Variants in LRPPRC observed in about 807,000 individuals in gnomAD.
LRPPRC encodes leucine-rich PPR motif-containing protein, mitochondrial.
In LRPPRC, 120 loss-of-function variants were observed where a neutral mutation model predicts 180.3. The ratio of observed to expected loss-of-function variants is 0.67; its 90% confidence interval spans 0.57 to 0.77. The LOEUF (loss-of-function observed/expected upper bound fraction) is 0.77. LRPPRC is among the 30% of genes least tolerant of loss of function. LRPPRC has a pLI of 0.00. For synonymous variants in LRPPRC, 723 were observed against 600.0 expected (o/e 1.21, Z -3.00); for missense variants, 2,012 against 1,657.2 (o/e 1.21, Z -3.72).
chr2:43,926,936 A>T (rs774937351), intron 25 of LRPPRC, among the ~76,000 whole-genome samples: 5 of 152,240 alleles, frequency 3.3e-5, no homozygotes, highest in South Asian at 4.1e-4. Context: ...TCTCAGTTCA[A>T]TTAAACAACT....
intron 36 of LRPPRC, among the ~76,000 whole-genome samples, chr2:43,893,066 C>A (rs1670552399): frequency 6.6e-6 from 1 of 152,114 alleles, no homozygotes; most frequent in African/African-American, 2.4e-5. Flanking sequence ...GTGGAAATAG[C>A]AAGACAACTA....
At chr2:43,910,680 G>C (rs1052079726) in intron 30 of LRPPRC, among the ~76,000 whole-genome samples, 3 of 152,030 alleles carry the variant, frequency 2.0e-5, no homozygotes, top group African/African-American at 7.2e-5. Flanking sequence ...TCAATCACTT[G>C]GGCTATGGAG....
Position 43,899,708 on chromosome 2 carries a change from T to C in LRPPRC, c.3570-103A>G, listed in dbSNP as rs539720679. Reference sequence around the variant, plus strand: ...TTTATATCCACTCATGCTAATACTTTAGGAAAAAAATGAAATACATTTACA... The same window carrying C: ...TTTATATCCACTCATGCTAATACTTCAGGAAAAAAATGAAATACATTTACA... On this transcript the variant is annotated intron_variant, in intron 32 of 37. Transcript: ENST00000260665. The C allele has an allele frequency of 2.2e-5, 16 of 740,910 alleles. No homozygotes were observed. In the East Asian group the frequency reaches 2.9e-4, roughly 14 times the overall value. The allele number at this position is 740,910 out of a possible 1,614,324, so 45.9% of individuals were successfully genotyped here.
rs1175205497 is a variant in LRPPRC, at chr2:43,947,346, A to T, written c.1990T>A (p.Leu664Met). 6.3e-7 allele frequency: 1 copy of T among 1,595,064 alleles called. No individual in the cohort carries two copies. Among genetic ancestry groups the T allele is most frequent in the African/African-American group, 1.3e-5 (1 of 74,564 alleles). Residue 664 changes from leucine (L) to methionine (M), a missense_variant, in exon 20 of 38, where the codon TTG (leucine) becomes ATG (methionine). Physicochemically the swap from Leu to Met is conservative, Grantham distance 15. Coordinates refer to ENST00000260665, the MANE Select transcript of LRPPRC (RefSeq NM_133259.4). Reference sequence around the variant, plus strand: ...TTTAGTGTTTCAAGTGTGGACTCCAATTCAGATGATGTAAGTTGCACAGTC... The same window carrying T: ...TTTAGTGTTTCAAGTGTGGACTCCATTTCAGATGATGTAAGTTGCACAGTC... ...QKTVQLTSSE[L>M]ESTLETLKAE...
At chr2:43,888,714 A>G in intron 37 of LRPPRC, 58 bp from the exon 38 acceptor site, 1 of 936,550 alleles carries the variant, frequency 1.1e-6, no homozygotes, top group Middle Eastern at 2.1e-4. Context: ...GATGGTACAT[A>G]ACTTAAAAAA....
chr2:43,948,816 A>ACC (rs989128814), intron 16 of LRPPRC, among the ~76,000 whole-genome samples: 3 of 151,784 alleles, frequency 2.0e-5, no homozygotes, highest in Admixed American at 2.0e-4. Context: ...CCAAGGCCTT[A>ACC]CCCCTTTCCT....
intron 23 of LRPPRC, among the ~76,000 whole-genome samples, chr2:43,938,186 TA>T (rs58510012): frequency 6.6e-4 from 97 of 146,800 alleles, no homozygotes; most frequent in African/African-American, 1.6e-3. Flanking sequence ...TTACCCTTTA[TA>T]AAAAAAAAAA....
intron 11 of LRPPRC, among the ~76,000 whole-genome samples, chr2:43,969,038 G>A (rs1055061427): frequency 6.6e-6 from 1 of 152,178 alleles, no homozygotes; most frequent in African/African-American, 2.4e-5. Context: ...ATTTTTAAAA[G>A]TGGGGTAAAG....
chr2:43,935,253 TAC>T (rs1278352221), intron 23 of LRPPRC, among the ~76,000 whole-genome samples: 1 of 152,244 alleles, frequency 6.6e-6, no homozygotes, highest in Non-Finnish European at 1.5e-5. Context: ...TACCGTCAAA[TAC>T]TTTTTTCCAA....
intron 3 of LRPPRC, among the ~76,000 whole-genome samples, chr2:43,978,849 CT>C (rs1229512316): frequency 6.6e-6 from 1 of 151,848 alleles, no homozygotes; most frequent in African/African-American, 2.4e-5. Flanking sequence ...TCTCTATTTT[CT>C]TTTATAACTA....
At chr2:43,932,099 G>A in intron 25 of LRPPRC, among the ~76,000 whole-genome samples, 1 of 88,864 alleles carries the variant, frequency 1.1e-5, no homozygotes. Flanking sequence ...ACTACAGCCT[G>A]GCTAACAAAG....
Position 43,888,411 on chromosome 2 carries a change from A to AG in LRPPRC, c.*188dup. ...AGAAAACACTATCGATTTTTCCCAGAGAAAAAAACTCCAAAAATGTCCAAT... is the reference window on the plus strand; with the variant it reads ...AGAAAACACTATCGATTTTTCCCAGAGGAAAAAAACTCCAAAAATGTCCAAT... On this transcript the variant is annotated 3_prime_UTR_variant, in exon 38 of 38. Transcript: ENST00000260665. 2 of 526,566 alleles carry AG rather than the reference A, an allele frequency of 3.8e-6. No homozygotes were observed. The highest frequency in any genetic ancestry group is 2.1e-5 in the South Asian group (1 of 47,214). 32.6% of individuals were successfully genotyped at this position (526,566 alleles called of 1,614,324 possible).
chr2:43,889,916 C>T (rs748224728), intron 36 of LRPPRC, 40 bp from the exon 37 acceptor site: 2 of 1,485,314 alleles, frequency 1.3e-6, no homozygotes, highest in Non-Finnish European at 1.9e-6. Flanking sequence ...GAGATAAAGA[C>T]AACCTATCTT....
intron 36 of LRPPRC, chr2:43,890,434 C>CCGGG (rs1190467179): frequency 4.5e-6 from 2 of 443,260 alleles, no homozygotes; most frequent in Non-Finnish European, 9.3e-6. Flanking sequence ...AACCTATAGG[C>CCGGG]CGGGCGCAGT....
rs1310048863 is a variant in LRPPRC, at chr2:43,886,845, G to A, written c.*1755C>T. On this transcript the variant is annotated 3_prime_UTR_variant, in exon 38 of 38. Transcript: ENST00000260665. ...TGCTTCAGTGCAATCACTAAAGACA[G>A]GAGTGAGGCTCTTGGCCAGGCGTGG... The A allele has an allele frequency of 6.6e-6, 1 of 152,194 alleles. No homozygotes were observed. Among genetic ancestry groups the A allele is most frequent in the Non-Finnish European group, 1.5e-5 (1 of 68,074 alleles). 9.4% of individuals were successfully genotyped at this position (152,194 alleles called of 1,614,324 possible).
At chr2:43,911,269 A>G (rs2105010798) in intron 30 of LRPPRC, among the ~76,000 whole-genome samples, 1 of 152,086 alleles carries the variant, frequency 6.6e-6, no homozygotes, top group East Asian at 1.9e-4. Flanking sequence ...CATACAAATG[A>G]TGATTCAAGA....
At chr2:43,965,640 T>A (rs1271170201) in intron 11 of LRPPRC, among the ~76,000 whole-genome samples, 1 of 152,090 alleles carries the variant, frequency 6.6e-6, no homozygotes, top group Non-Finnish European at 1.5e-5. Context: ...CTAAAATATA[T>A]AATAAGGAAC....
chr2:43,985,618 G>A (rs1674495858), intron 1 of LRPPRC, among the ~76,000 whole-genome samples: 1 of 152,084 alleles, frequency 6.6e-6, no homozygotes, highest in South Asian at 2.1e-4. Flanking sequence ...CTTTCACCTA[G>A]CAATACACAT....
intron 1 of LRPPRC, among the ~76,000 whole-genome samples, chr2:43,995,075 T>C (rs1483022616): frequency 3.3e-5 from 5 of 152,118 alleles, no homozygotes; most frequent in African/African-American, 4.8e-5. Flanking sequence ...ACCCAGTCTC[T>C]ACTAAAAGTA....
Sources: allele counts gnomAD v4.1 joint callset (sites outside exome capture counted in the v4.1 genomes callset), GRCh38; gene constraint gnomAD v4.1.1; transcripts MANE v1.5; gene names NCBI Gene and HGNC (gene_info 2026-07-23, HGNC 2026-07-21).